The following KCNQ5 variants were observed in gnomAD, a reference collection of about 807,000 sequenced individuals.
KCNQ5 encodes potassium voltage-gated channel subfamily KQT member 5.
Under a neutral mutation model 98.2 loss-of-function variants are expected in KCNQ5, and 30 were observed. That is an observed-to-expected ratio of 0.31 (90% CI 0.23 to 0.41). The LOEUF is 0.41. Among genes scored for constraint, KCNQ5 ranks in the 10% least tolerant of loss-of-function variants. The probability of loss-of-function intolerance (pLI) is 1.00; values close to 1 mark genes in which losing one functional copy is unlikely to be tolerated. For missense variants in KCNQ5, 835 were observed against 1,182.5 expected, an observed-to-expected ratio of 0.71 and a Z score of 4.31; for synonymous variants, 458 against 449.4, an observed-to-expected ratio of 1.02 and a Z score of -0.24.
chr6:73,020,319 G>T (rs1476094132), intron 2 of KCNQ5, among the ~76,000 whole-genome samples: 5 of 152,126 alleles, frequency 3.3e-5, no homozygotes, highest in Admixed American at 6.6e-5. Flanking sequence ...TTAATTTGCT[G>T]GAATGGCTCA....
chr6:72,793,722 C>A (rs1034994644), intron 1 of KCNQ5, among the ~76,000 whole-genome samples: 1 of 152,236 alleles, frequency 6.6e-6, no homozygotes, highest in Non-Finnish European at 1.5e-5. Context: ...GTGGTGCCTG[C>A]GCACACATGT....
At chr6:73,036,078 A>C (rs1771409007) in intron 2 of KCNQ5, among the ~76,000 whole-genome samples, 2 of 151,364 alleles carry the variant, frequency 1.3e-5, no homozygotes, top group Middle Eastern at 3.4e-3. Context: ...TATATCTAAA[A>C]CAACAATCAA....
At chr6:72,754,900 T>C (rs945466297) in intron 1 of KCNQ5, among the ~76,000 whole-genome samples, 2 of 152,134 alleles carry the variant, frequency 1.3e-5, no homozygotes, top group African/African-American at 4.8e-5. Flanking sequence ...AGAAAAGTGT[T>C]GAAATGTCCA....
At position 73,142,362 on chromosome 6, in the gene KCNQ5, C is replaced by T. The variant is rs112674255; in HGVS notation, c.1468+8721C>T. On this transcript the variant is annotated intron_variant, in intron 10 of 13. Coordinates refer to ENST00000370398, the MANE Select transcript of KCNQ5 (RefSeq NM_019842.4). ...TTAAATTGCAGATTTCAACCAGTCCCTATTGTCTTTCCAGGAACCCAAACC... is the reference window on the plus strand; with the variant it reads ...TTAAATTGCAGATTTCAACCAGTCCTTATTGTCTTTCCAGGAACCCAAACC... Among the ~76,000 whole-genome samples, 405 of 152,236 alleles carry T rather than the reference C, an allele frequency of 2.7e-3. 3 individuals carry two copies. Among genetic ancestry groups the T allele is most frequent in the Non-Finnish European group, 3.5e-3 (241 of 68,012 alleles).
intron 3 of KCNQ5, among the ~76,000 whole-genome samples, chr6:73,061,477 G>A (rs2150375727): frequency 6.6e-6 from 1 of 152,196 alleles, no homozygotes; most frequent in East Asian, 1.9e-4. Context: ...ATATTTGGAT[G>A]GGTTAATGGG....
chr6:72,743,963 C>G (rs960675908), intron 1 of KCNQ5, among the ~76,000 whole-genome samples: 3 of 152,216 alleles, frequency 2.0e-5, no homozygotes, highest in Non-Finnish European at 2.9e-5. Context: ...CCTCATGCTT[C>G]ATGTCTACAG....
chr6:73,132,510 C>A (rs1056745514), intron 9 of KCNQ5, among the ~76,000 whole-genome samples: 1 of 152,172 alleles, frequency 6.6e-6, no homozygotes, highest in African/African-American at 2.4e-5. Flanking sequence ...AGAACCCTAG[C>A]CCCCGTGTGT....
intron 2 of KCNQ5, among the ~76,000 whole-genome samples, chr6:73,005,901 C>T (rs1769791185): frequency 6.6e-6 from 1 of 152,170 alleles, no homozygotes; most frequent in Non-Finnish European, 1.5e-5. Context: ...AGTATATTCT[C>T]AAAACCTACC....
At chr6:73,043,204 T>C (rs1426787060) in intron 3 of KCNQ5, 1 of 383,584 alleles carries the variant, frequency 2.6e-6, no homozygotes, top group East Asian at 7.7e-5. Context: ...ATTCCATACT[T>C]CTTTCATAGT....
intron 1 of KCNQ5, among the ~76,000 whole-genome samples, chr6:72,855,586 C>T (rs1427487696): frequency 2.6e-5 from 4 of 151,944 alleles, no homozygotes; most frequent in African/African-American, 9.7e-5. Context: ...GACAAGACAC[C>T]AAGGAAATGA....
chr6:72,648,794 T>A lies in KCNQ5; in HGVS notation c.398+26207T>A, dbSNP rs574507991. Among the ~76,000 whole-genome samples, 7 of 150,624 alleles carry A rather than the reference T, an allele frequency of 4.6e-5. No homozygotes were observed. In the South Asian group the frequency reaches 1.5e-3, roughly 32 times the overall value. On this transcript the variant is annotated intron_variant, in intron 1 of 13. Transcript: ENST00000370398. ...CCTTCATTTTTTTTTTTTTTTTAAT[T>A]CTCAGAGGTCTTCTGTTTGAAATAT...
intron 1 of KCNQ5, among the ~76,000 whole-genome samples, chr6:72,769,657 G>T (rs750237960): frequency 1.3e-4 from 19 of 151,974 alleles, no homozygotes; most frequent in Non-Finnish European, 2.9e-5. Context: ...TCTGGACATT[G>T]CAGACTGCCT....
chr6:72,774,706 A>G (rs918421686), intron 1 of KCNQ5, among the ~76,000 whole-genome samples: 8 of 152,152 alleles, frequency 5.3e-5, no homozygotes, highest in Non-Finnish European at 8.8e-5. Flanking sequence ...ACAAAAGATA[A>G]TATCAAATGG....
chr6:72,753,867 C>A (rs1771819177), intron 1 of KCNQ5, among the ~76,000 whole-genome samples: 2 of 152,048 alleles, frequency 1.3e-5, no homozygotes, highest in Non-Finnish European at 2.9e-5. Flanking sequence ...CATATATTTT[C>A]TCTAAGTCTA....
chr6:73,074,439 G>A (rs1041812832), intron 3 of KCNQ5, among the ~76,000 whole-genome samples: 4 of 152,160 alleles, frequency 2.6e-5, no homozygotes, highest in Non-Finnish European at 5.9e-5. Context: ...GAATTACAAT[G>A]AGGGTATTAA....
intron 1 of KCNQ5, among the ~76,000 whole-genome samples, chr6:72,648,642 G>A (rs993666753): frequency 6.6e-6 from 1 of 151,716 alleles, no homozygotes; most frequent in African/African-American, 2.4e-5. Flanking sequence ...TAAATATGGA[G>A]GGGGAAAAAG....
At chr6:73,130,315 G>A (rs1315839904) in intron 9 of KCNQ5, among the ~76,000 whole-genome samples, 2 of 152,220 alleles carry the variant, frequency 1.3e-5, no homozygotes, top group South Asian at 2.1e-4. Context: ...GCCGGTAGTA[G>A]ACTGCATGCT....
In KCNQ5 at chr6:72,929,879, G is replaced by A. The variant is rs143577885; in HGVS notation, c.399-74029G>A. Among the ~76,000 whole-genome samples the A allele has an allele frequency of 1.0e-3, 153 of 152,218 alleles. 1 individual carries two copies. Among genetic ancestry groups the A allele is most frequent in the African/African-American group, 3.3e-3 (138 of 41,564 alleles). On this transcript the variant is annotated intron_variant, in intron 1 of 13. Coordinates refer to ENST00000370398, the MANE Select transcript of KCNQ5 (RefSeq NM_019842.4). ...AATATTAAACACAGTCTTATGACAG[G>A]AAATATCAAGAACAAGGACTGCATT...
intron 1 of KCNQ5, among the ~76,000 whole-genome samples, chr6:72,947,177 A>ACAAT (rs975900015): frequency 2.6e-5 from 4 of 152,174 alleles, no homozygotes; most frequent in Non-Finnish European, 5.9e-5. Context: ...GAAAAGGTAA[A>ACAAT]CAATTTTTCT....
Sources: allele counts gnomAD v4.1 joint callset (sites outside exome capture counted in the v4.1 genomes callset), GRCh38; gene constraint gnomAD v4.1.1; transcripts MANE v1.5; gene names NCBI Gene and HGNC (gene_info 2026-07-23, HGNC 2026-07-21).